HIPK2: variants seen among roughly 807,000 people sequenced by gnomAD.
HIPK2 encodes homeodomain-interacting protein kinase 2.
Under a neutral mutation model 113.7 loss-of-function variants are expected in HIPK2, and 27 were observed. The ratio of observed to expected loss-of-function variants is 0.24; its 90% CI spans 0.17 to 0.33. The LOEUF is 0.33. Among genes scored for constraint, HIPK2 ranks in the 10% least tolerant of loss-of-function variants. The probability of loss-of-function intolerance (pLI) is 1.00; values close to 1 mark genes in which losing one functional copy is unlikely to be tolerated. For missense variants in HIPK2, 1,257 were observed against 1,588.0 expected (o/e 0.79, Z 3.54); for synonymous variants, 631 against 642.2 (o/e 0.98, Z 0.26).
intron 2 of HIPK2, among the ~76,000 whole-genome samples, chr7:139,688,751 TTCCCACC>T (rs990684542): frequency 4.1e-4 from 61 of 147,744 alleles, no homozygotes; most frequent in African/African-American, 1.3e-3. Flanking sequence ...ACTTTCCCTC[TTCCCACC>T]TCCCACCTCA....
chr7:139,583,064 C>T (rs377057419), intron 13 of HIPK2, among the ~76,000 whole-genome samples: 14 of 152,150 alleles, frequency 9.2e-5, no homozygotes, highest in African/African-American at 1.7e-4. Flanking sequence ...TATGCCGCCA[C>T]GCAGGTGCAG....
chr7:139,643,580 A>C (rs1801104109), intron 2 of HIPK2, among the ~76,000 whole-genome samples: 1 of 152,230 alleles, frequency 6.6e-6, no homozygotes, highest in Non-Finnish European at 1.5e-5. Context: ...ACCAGTTCTC[A>C]GATGTCCAGA....
intron 2 of HIPK2, among the ~76,000 whole-genome samples, chr7:139,639,366 G>A (rs1229299164): frequency 6.6e-6 from 1 of 152,182 alleles, no homozygotes; most frequent in African/African-American, 2.4e-5. Context: ...GCCAGAATTT[G>A]TTTCAAGCTG....
intron 9 of HIPK2, among the ~76,000 whole-genome samples, chr7:139,612,718 A>G (rs910161478): frequency 6.6e-6 from 1 of 152,200 alleles, no homozygotes; most frequent in Non-Finnish European, 1.5e-5. Context: ...TCATTCTACC[A>G]TCAGAGCACC....
intron 10 of HIPK2, among the ~76,000 whole-genome samples, chr7:139,602,493 A>G (rs1799467660): frequency 6.6e-6 from 1 of 152,190 alleles, no homozygotes; most frequent in African/African-American, 2.4e-5. Context: ...GGGAGGAGGA[A>G]TAAGAAAATA....
At chr7:139,689,026 G>A (rs1016081007) in intron 2 of HIPK2, among the ~76,000 whole-genome samples, 2 of 152,166 alleles carry the variant, frequency 1.3e-5, no homozygotes, top group African/African-American at 4.8e-5. Flanking sequence ...GGCAAATGAA[G>A]AGAAACTCTC....
chr7:139,596,463 T>C (rs1232416207), intron 12 of HIPK2, among the ~76,000 whole-genome samples: 1 of 152,246 alleles, frequency 6.6e-6, no homozygotes, highest in African/African-American at 2.4e-5. Context: ...TGGTCTCAAG[T>C]TCCCCAAATG....
rs79364975 is a variant in HIPK2 at position 139,565,704 on chromosome 7, C to T, written c.*7223G>A. On this transcript the variant is annotated 3_prime_UTR_variant, in exon 15 of 15. Transcript: ENST00000406875. ...TCTTGTCTTTCTTCCACCTCTACTT[C>T]TTTTTTTTTTTCTTTTTTTTTTCTT... 2.8e-5 allele frequency: 4 copies of T among 142,532 alleles called. No individual in the cohort carries two copies. Among genetic ancestry groups the T allele is most frequent in the African/African-American group, 2.6e-5 (1 of 38,948 alleles). The allele number at this position is 142,532 out of a possible 1,614,324, so 8.8% of individuals were successfully genotyped here. A position where few individuals can be genotyped will look rare whatever the true frequency, so the allele number is the denominator to read the frequency against.
intron 2 of HIPK2, among the ~76,000 whole-genome samples, chr7:139,650,231 TC>T (rs1801407176): frequency 1.3e-5 from 2 of 150,598 alleles, no homozygotes; most frequent in African/African-American, 4.9e-5. Context: ...GAACCTGTAA[TC>T]TCAGCTACTT....
intron 2 of HIPK2, among the ~76,000 whole-genome samples, chr7:139,707,115 A>G (rs1262138225): frequency 2.0e-5 from 3 of 152,204 alleles, no homozygotes; most frequent in Non-Finnish European, 4.4e-5. Context: ...GGTGGGACGG[A>G]GCCCTGAGTG....
intron 2 of HIPK2, among the ~76,000 whole-genome samples, chr7:139,665,110 T>C (rs1354537820): frequency 6.6e-6 from 1 of 151,592 alleles, no homozygotes; most frequent in Non-Finnish European, 1.5e-5. Context: ...CAATCATGGC[T>C]CCCTGCAGCC....
intron 2 of HIPK2, among the ~76,000 whole-genome samples, chr7:139,679,603 A>G (rs980151165): frequency 1.3e-5 from 2 of 152,234 alleles, no homozygotes; most frequent in Non-Finnish European, 1.5e-5. Context: ...ATTCCAGGAG[A>G]GCTTATAAAA....
At chr7:139,642,787 C>T (rs1266434170) in intron 2 of HIPK2, among the ~76,000 whole-genome samples, 1 of 152,192 alleles carries the variant, frequency 6.6e-6, no homozygotes, top group Non-Finnish European at 1.5e-5. Context: ...TGACAAGGGG[C>T]CCACCCATTG....
intron 2 of HIPK2, among the ~76,000 whole-genome samples, chr7:139,654,276 C>G (rs1276103464): frequency 6.6e-6 from 1 of 152,130 alleles, no homozygotes; most frequent in Admixed American, 6.5e-5. Flanking sequence ...TTTTGGGAAG[C>G]TGAGGCAAAA....
intron 13 of HIPK2, among the ~76,000 whole-genome samples, chr7:139,579,724 C>T (rs577314953): frequency 3.3e-5 from 5 of 152,132 alleles, no homozygotes; most frequent in Non-Finnish European, 5.9e-5. Flanking sequence ...AACTCAGAGC[C>T]CCCTGCCCTA....
chr7:139,627,140 G>T (rs1349769860), intron 5 of HIPK2, among the ~76,000 whole-genome samples: 1 of 152,192 alleles, frequency 6.6e-6, no homozygotes, highest in Admixed American at 6.5e-5. Context: ...AAGATGAAAA[G>T]AGTTCTGGAG....
chr7:139,695,880 T>TG (rs1446553907), intron 2 of HIPK2, among the ~76,000 whole-genome samples: 5 of 152,210 alleles, frequency 3.3e-5, no homozygotes, highest in African/African-American at 2.4e-5. Flanking sequence ...GGACTCTCCT[T>TG]GGGGGAAGGG....
rs9656516 is a variant in HIPK2 at position 139,654,673 on chromosome 7, C to T, written c.1104-22948G>A. Among the ~76,000 whole-genome samples, 1,260 of 152,126 alleles carry T rather than the reference C, an allele frequency of 8.3e-3. 21 individuals carry two copies. Among genetic ancestry groups the T allele is most frequent in the African/African-American group, 0.029 (1,203 of 41,462 alleles). ...AAAACTCTGAGTGCTGTCTCCATGG[C>T]GGGGTTGCAGTCAGTAGCAAGATAA... On this transcript the variant is annotated intron_variant, in intron 2 of 14. Transcript: ENST00000406875.
In HIPK2 at chr7:139,656,249, T is replaced by C. The variant is rs1801665817; in HGVS notation, c.1104-24524A>G. ...TACCATATTCTCATTGACTTAAGTA[T>C]CTCTAATTGGATGCCTCAAAGTGAA... On this transcript the variant is annotated intron_variant, in intron 2 of 14. Transcript: ENST00000406875. 2.0e-5 allele frequency among the ~76,000 whole-genome samples: 3 copies of C among 152,070 alleles called. No individual in the cohort carries two copies. In the South Asian group the frequency reaches 6.2e-4, roughly 32 times the overall value.
Sources: gnomAD v4.1 joint callset for allele counts (sites outside exome capture counted in the v4.1 genomes callset) on GRCh38, gnomAD v4.1.1 for gene constraint, MANE v1.5 for transcripts, NCBI Gene and HGNC (gene_info 2026-07-23, HGNC 2026-07-21) for gene names.